The following ERBB4 variants were observed in gnomAD, a reference collection of about 807,000 sequenced individuals.
The protein encoded by ERBB4 is erb-b2 receptor tyrosine kinase 4.
ERBB4 carries 42 observed loss-of-function variants against 158.0 expected under a neutral mutation model. That is an observed-to-expected ratio of 0.27 (90% CI 0.21 to 0.34). ERBB4 has a LOEUF of 0.34. Among genes scored for constraint, ERBB4 ranks in the 10% least tolerant of loss-of-function variants. The pLI, the probability that ERBB4 is intolerant of heterozygous loss-of-function variation, is 1.00. For missense variants in ERBB4, 1,333 were observed against 1,624.1 expected (o/e 0.82, Z 3.08); for synonymous variants, 583 against 558.7 (o/e 1.04, Z -0.61).
At chr2:211,397,530 T>C (rs2062946151) in intron 25 of ERBB4, among the ~76,000 whole-genome samples, 1 of 152,148 alleles carries the variant, frequency 6.6e-6, no homozygotes, top group Non-Finnish European at 1.5e-5. Flanking sequence ...TTCAGGATGA[T>C]ACAGCTAGTT....
At chr2:211,695,010 G>A (rs1421196166) in intron 12 of ERBB4, among the ~76,000 whole-genome samples, 1 of 152,114 alleles carries the variant, frequency 6.6e-6, no homozygotes, top group African/African-American at 2.4e-5. Flanking sequence ...ACGATATAAA[G>A]TCTGTTTATT....
intron 1 of ERBB4, among the ~76,000 whole-genome samples, chr2:212,347,673 A>G (rs993849248): frequency 3.8e-4 from 58 of 152,146 alleles, no homozygotes; most frequent in African/African-American, 1.3e-3. Context: ...TCCCAAATCC[A>G]AAAATCAAAC....
At chr2:212,321,160 C>T (rs1408942275) in intron 1 of ERBB4, among the ~76,000 whole-genome samples, 2 of 150,132 alleles carry the variant, frequency 1.3e-5, no homozygotes, top group African/African-American at 2.4e-5. Flanking sequence ...CTGTAACATG[C>T]ACTATGTTAT....
intron 20 of ERBB4, among the ~76,000 whole-genome samples, chr2:211,537,139 T>G (rs2066677949): frequency 6.6e-6 from 1 of 151,990 alleles, no homozygotes; most frequent in Non-Finnish European, 1.5e-5. Context: ...AAAAATCAAT[T>G]TTCCCAATGG....
rs1296210879 is a variant in ERBB4 at position 212,325,574 on chromosome 2, T to G, written c.83-200671A>C. Among the ~76,000 whole-genome samples the G allele has an allele frequency of 1.3e-5, 2 of 150,858 alleles. 1 individual carries two copies. Among genetic ancestry groups the G allele is most frequent in the Non-Finnish European group, 3.0e-5 (2 of 67,268 alleles). Reference sequence around the variant, plus strand: ...TAATTAGAAAAAAATAAAACATAAATGCATTCTTGTTTAGTTCGAACTGTG... The same window carrying G: ...TAATTAGAAAAAAATAAAACATAAAGGCATTCTTGTTTAGTTCGAACTGTG... On this transcript the variant is annotated intron_variant, in intron 1 of 27. Coordinates refer to ENST00000342788, the MANE Select transcript of ERBB4 (RefSeq NM_005235.3).
chr2:212,440,779 G>T (rs1251221975), intron 1 of ERBB4, among the ~76,000 whole-genome samples: 2 of 152,184 alleles, frequency 1.3e-5, no homozygotes, highest in African/African-American at 4.8e-5. Flanking sequence ...GAGAGGCAAA[G>T]AGTTTAGTGA....
intron 20 of ERBB4, among the ~76,000 whole-genome samples, chr2:211,460,838 G>C (rs560942737): frequency 6.6e-6 from 1 of 151,974 alleles, no homozygotes; most frequent in Admixed American, 6.6e-5. Flanking sequence ...GTCTAGTCTG[G>C]TCTGAACTTG....
chr2:212,207,883 C>T (rs577686097), intron 1 of ERBB4, among the ~76,000 whole-genome samples: 2 of 152,022 alleles, frequency 1.3e-5, no homozygotes, highest in Non-Finnish European at 2.9e-5. Context: ...TTTCATACTG[C>T]CATTCTTTTC....
At chr2:212,082,931 T>A (rs1201523025) in intron 2 of ERBB4, among the ~76,000 whole-genome samples, 1 of 151,988 alleles carries the variant, frequency 6.6e-6, no homozygotes, top group East Asian at 1.9e-4. Context: ...TATATACTTG[T>A]CCCATGAAGA....
intron 18 of ERBB4, among the ~76,000 whole-genome samples, chr2:211,619,834 A>G (rs1308908229): frequency 2.0e-5 from 3 of 152,142 alleles, no homozygotes; most frequent in African/African-American, 7.2e-5. Context: ...TTTCAAAGGC[A>G]AGTGCTAGGG....
chr2:211,983,553 A>T (rs914864884), intron 2 of ERBB4, among the ~76,000 whole-genome samples: 5 of 152,190 alleles, frequency 3.3e-5, no homozygotes, highest in African/African-American at 9.7e-5. Context: ...AGCACACACA[A>T]CTGAGAATAA....
chr2:211,792,286 A>G (rs1000571625), intron 3 of ERBB4, among the ~76,000 whole-genome samples: 3 of 151,752 alleles, frequency 2.0e-5, no homozygotes, highest in Non-Finnish European at 3.0e-5. Context: ...GTTCAAAACC[A>G]TATCTCCAGT....
At chr2:211,595,726 C>G (rs1419426043) in intron 19 of ERBB4, among the ~76,000 whole-genome samples, 1 of 152,128 alleles carries the variant, frequency 6.6e-6, no homozygotes, top group African/African-American at 2.4e-5. Flanking sequence ...ACAGCTGACC[C>G]TCTGTATTAG....
chr2:211,974,670 T>G (rs2081553069), intron 2 of ERBB4, among the ~76,000 whole-genome samples: 1 of 152,118 alleles, frequency 6.6e-6, no homozygotes, highest in African/African-American at 2.4e-5. Context: ...TGGGAGCATC[T>G]CTGGAGCCCT....
At chr2:211,570,134 A>G (rs1342186209) in intron 19 of ERBB4, among the ~76,000 whole-genome samples, 1 of 151,822 alleles carries the variant, frequency 6.6e-6, no homozygotes, top group Non-Finnish European at 1.5e-5. Context: ...AAATTTATTT[A>G]TTTTTGTGTT....
rs77289869 is a variant in ERBB4 at position 211,584,977 on chromosome 2, T to C, written c.2302-22889A>G. Reference sequence around the variant, plus strand: ...ATTACCACTATATTCTACACTAATATCACGTATCAATAAAAATGTATAATG... The same window carrying C: ...ATTACCACTATATTCTACACTAATACCACGTATCAATAAAAATGTATAATG... On this transcript the variant is annotated intron_variant, in intron 19 of 27. Coordinates refer to ENST00000342788, the MANE Select transcript of ERBB4 (RefSeq NM_005235.3). Among the ~76,000 whole-genome samples, 1,365 of 152,080 alleles carry C rather than the reference T, an allele frequency of 9.0e-3. 20 individuals are homozygous for C. Among genetic ancestry groups the C allele is most frequent in the African/African-American group, 0.031 (1,295 of 41,498 alleles).
intron 13 of ERBB4, among the ~76,000 whole-genome samples, chr2:211,676,186 A>G (rs985530574): frequency 2.0e-5 from 3 of 152,176 alleles, no homozygotes; most frequent in Non-Finnish European, 4.4e-5. Context: ...AGCCCATACC[A>G]CAAGATGGAA....
Position 212,370,201 on chromosome 2 carries a change from A to G in ERBB4, c.82+168248T>C, listed in dbSNP as rs112842190. Reference sequence around the variant, plus strand: ...TTCTCACAAGATCTCATGGCTATATAAGGGGCTTCCCCCTTCACTCAGAAT... The same window carrying G: ...TTCTCACAAGATCTCATGGCTATATGAGGGGCTTCCCCCTTCACTCAGAAT... On this transcript the variant is annotated intron_variant, in intron 1 of 27. Coordinates refer to ENST00000342788, the MANE Select transcript of ERBB4 (RefSeq NM_005235.3). Among the ~76,000 whole-genome samples the G allele has an allele frequency of 7.1e-3, 1,085 of 152,172 alleles. 4 individuals carry two copies. Among genetic ancestry groups the G allele is most frequent in the Middle Eastern group, 0.024 (7 of 294 alleles).
intron 20 of ERBB4, among the ~76,000 whole-genome samples, chr2:211,547,483 G>C (rs1440902546): frequency 2.0e-5 from 3 of 151,970 alleles, no homozygotes; most frequent in African/African-American, 7.2e-5. Flanking sequence ...GCACACACCT[G>C]AAAGATCATA....
Sources: gnomAD v4.1 joint callset for allele counts (sites outside exome capture counted in the v4.1 genomes callset) on GRCh38, gnomAD v4.1.1 for gene constraint, MANE v1.5 for transcripts, NCBI Gene and HGNC (gene_info 2026-07-23, HGNC 2026-07-21) for gene names.